The following LMBR1L variants were observed in gnomAD, a reference collection of about 807,000 sequenced individuals.
The protein encoded by LMBR1L is limb development membrane protein 1 like.
LMBR1L carries 47 observed loss-of-function variants against 67.3 expected under a neutral mutation model. The ratio of observed to expected loss-of-function variants is 0.70; its 90% CI spans 0.55 to 0.89. The LOEUF is 0.89. Among genes scored for constraint, LMBR1L ranks in the 40% least tolerant of loss-of-function variants. LMBR1L has a pLI of 0.00. For synonymous variants in LMBR1L, 247 were observed against 250.3 expected (o/e 0.99, Z 0.13); for missense variants, 533 against 599.2 (o/e 0.89, Z 1.15).
At position 49,104,775 on chromosome 12, in the gene LMBR1L, A is replaced by G; in HGVS notation, c.302T>C (p.Ile101Thr). 1 of 1,613,762 alleles carries G rather than the reference A, an allele frequency of 6.2e-7. No homozygotes were observed. The highest frequency in any genetic ancestry group is 8.5e-7 in the Non-Finnish European group (1 of 1,179,870). The change falls in exon 4 of 17, where the codon ATC becomes ACC. Residue 101 changes from isoleucine to threonine, a missense_variant. Ile to Thr is a moderately conservative substitution (Grantham distance 89, BLOSUM62 -1). This residue lies in a region of LMBR1L where 246 missense variants were observed against 249.0 expected (regional missense o/e 0.99). Transcript: ENST00000267102. ...GATGAGGGAGCCGTTGAGCCACTGGATGTAGTAGTTCCGAGGCAGGGAGAG... is the reference window on the plus strand; with the variant it reads ...GATGAGGGAGCCGTTGAGCCACTGGGTGTAGTAGTTCCGAGGCAGGGAGAG... Reference protein sequence around the residue: ...VLLSLPRNYYIQWLNGSLIHG... With the variant: ...VLLSLPRNYYTQWLNGSLIHG...
chr12:49,101,359 C>A (rs1432829833), intron 12 of LMBR1L, 36 bp from the exon 13 acceptor site: 1 of 1,609,258 alleles, frequency 6.2e-7, no homozygotes, highest in Non-Finnish European at 8.5e-7. Context: ...GAGCATTCCC[C>A]ACCATCAGCA....
At position 49,100,425 on chromosome 12, in the gene LMBR1L, G is replaced by A. The variant is rs771892483; in HGVS notation, c.1203C>T (p.Val401=). The part of the protein sequence containing the change: ...QIIGNCVCLL[V]LSSALPVFSR... ...AGAAGACAGGAAGTGCTGAGCTTAG[G>A]ACCAGGAGACAGACACAGTTCCCAA... The change falls in exon 15 of 17, where the codon GTC becomes GTT. Residue 401 remains valine (V), a synonymous_variant. Coordinates refer to ENST00000267102, the MANE Select transcript of LMBR1L (RefSeq NM_018113.4). The A allele has an allele frequency of 6.2e-7, 1 of 1,613,968 alleles. No homozygotes were observed. Among genetic ancestry groups the A allele is most frequent in the South Asian group, 1.1e-5 (1 of 91,068 alleles).
In LMBR1L at chr12:49,110,676, A is replaced by G. The variant is rs1327935072; in HGVS notation, c.-121T>C. 4 of 832,876 alleles carry G rather than the reference A, an allele frequency of 4.8e-6. No individual in the cohort carries two copies. The highest frequency in any genetic ancestry group is 6.0e-6 in the Non-Finnish European group (3 of 497,350). 51.6% of individuals were successfully genotyped at this position (832,876 alleles called of 1,614,324 possible). On this transcript the variant is annotated 5_prime_UTR_variant, in exon 1 of 17. Transcript: ENST00000267102. The stretch of plus-strand genomic sequence containing the variant: ...GGGGCCTTTCCTCGCAGCCTGCGAC[A>G]GAAACTCGGGGCAGTCTGGGGCTCA...
intron 1 of LMBR1L, among the ~76,000 whole-genome samples, chr12:49,108,691 G>A (rs1464838831): frequency 2.6e-5 from 4 of 151,558 alleles, no homozygotes; most frequent in African/African-American, 9.7e-5. Flanking sequence ...CAGAGATAAC[G>A]CCACTGCACT....
intron 14 of LMBR1L, 41 bp downstream of exon 14, chr12:49,100,515 T>C: frequency 6.2e-7 from 1 of 1,608,788 alleles, no homozygotes; most frequent in Non-Finnish European, 8.5e-7. Context: ...CTAGTGCCCA[T>C]CCACACCCCC....
intron 7 of LMBR1L, 24 bp downstream of exon 7, chr12:49,103,067 C>G (rs1429925132): frequency 6.2e-7 from 1 of 1,612,608 alleles, no homozygotes; most frequent in South Asian, 1.1e-5. Flanking sequence ...CCTGCCCATT[C>G]CCTCCCAGAC....
chr12:49,105,940 T>G lies in LMBR1L; in HGVS notation c.175A>C (p.Thr59Pro), dbSNP rs759126959. Residue 59 changes from threonine (T) to proline (P), a missense_variant, in exon 3 of 17, where the codon ACC (threonine) becomes CCC (proline). Thr to Pro is a conservative substitution (Grantham distance 38, BLOSUM62 -1). This residue lies in a region of LMBR1L where 246 missense variants were observed against 249.0 expected (regional missense o/e 0.99). Transcript: ENST00000267102. ...GACACTTACGCAATCTTGTTGACGG[T>G]GGCATCTTCATCATCCACTGTAAGA... ...EFTTVDDEDA[T>P]VNKIALELCT... is the part of the protein sequence containing the mutation. The G allele has an allele frequency of 1.2e-6, 2 of 1,613,110 alleles. No individual in the cohort carries two copies. Among genetic ancestry groups the G allele is most frequent in the East Asian group, 4.5e-5 (2 of 44,766 alleles).
intron 1 of LMBR1L, chr12:49,109,739 T>C (rs1941321283): frequency 2.2e-6 from 1 of 456,322 alleles, no homozygotes; most frequent in South Asian, 1.5e-5. Context: ...CAGAATTGAG[T>C]AGTCCACTTC....
At position 49,106,206 on chromosome 12, in the gene LMBR1L, C is replaced by T. The variant is rs1479518993; in HGVS notation, c.158-249G>A. The T allele has an allele frequency of 7.3e-6, 4 of 548,858 alleles. No homozygotes were observed. In the East Asian group the frequency reaches 1.2e-4, roughly 17 times the overall value. The allele number at this position is 548,858 out of a possible 1,614,324, so 34.0% of individuals were successfully genotyped here. On this transcript the variant is annotated intron_variant, in intron 2 of 16. Transcript: ENST00000267102. ...GACATTCCTATACTTCTTTACTCCT[C>T]CCTAGATCTCTCCCATCACAAGTTC...
chr12:49,103,587 G>A (rs940487365), intron 6 of LMBR1L, 100 bp downstream of exon 6: 2 of 1,429,714 alleles, frequency 1.4e-6, no homozygotes, highest in Non-Finnish European at 1.9e-6. Context: ...AAGGGAGAAG[G>A]TGCCAACATT....
intron 13 of LMBR1L, 169 bp from the exon 14 acceptor site, chr12:49,100,815 C>T (rs1940069718): frequency 1.6e-6 from 1 of 623,862 alleles, no homozygotes; most frequent in Non-Finnish European, 2.8e-6. Context: ...GCAACCTTGA[C>T]CTTCTGGGCT....
intron 1 of LMBR1L, chr12:49,110,283 T>G: frequency 1.7e-6 from 1 of 596,848 alleles, no homozygotes. Flanking sequence ...ACGACGGCCT[T>G]TGTTTATCGC....
chr12:49,099,658 C>T lies in LMBR1L; in HGVS notation c.1240+730G>A, dbSNP rs138394629. ...GTGCAATGGCGTGAGCTCAGCTCAC[C>T]GCAACCTTTGCCTCCCGGGTTCAAG... On this transcript the variant is annotated intron_variant, in intron 15 of 16. Coordinates refer to ENST00000267102, the MANE Select transcript of LMBR1L (RefSeq NM_018113.4). Among the ~76,000 whole-genome samples, 177 of 151,756 alleles carry T rather than the reference C, an allele frequency of 1.2e-3. 1 individual carries two copies. The highest frequency in any genetic ancestry group is 3.7e-3 in the African/African-American group (152 of 41,324).
At chr12:49,109,662 G>C (rs529012625) in intron 1 of LMBR1L, 4 of 456,230 alleles carry the variant, frequency 8.8e-6, no homozygotes, top group Non-Finnish European at 1.8e-5. Context: ...AGAAAGGAGA[G>C]AGGTGAAAAT....
In LMBR1L at chr12:49,102,454, G is replaced by T; in HGVS notation, c.769+14C>A. On this transcript the variant is annotated intron_variant, in intron 9 of 16. Coordinates refer to ENST00000267102, the MANE Select transcript of LMBR1L (RefSeq NM_018113.4). ...CCAAGCCTACCACCCCAGCAGGGAAGAACTGCAACTTACTACAGATCCTGC... is the reference window on the plus strand; with the variant it reads ...CCAAGCCTACCACCCCAGCAGGGAATAACTGCAACTTACTACAGATCCTGC... 1 of 1,614,154 alleles carries T rather than the reference G, an allele frequency of 6.2e-7. No homozygotes were observed. The highest frequency in any genetic ancestry group is 1.1e-5 in the South Asian group (1 of 91,076).
In LMBR1L at chr12:49,102,479, C is replaced by A. The variant is rs200579973; in HGVS notation, c.758G>T (p.Arg253Leu). Reference protein sequence around the residue: ...CSAFEEAALTRRICNPTSCWL... With the variant: ...CSAFEEAALTLRICNPTSCWL... ...GAACTGCAACTTACTACAGATCCTGCGGGTCAGGGCTGCCTCCTCAAAGGC... is the reference window on the plus strand; with the variant it reads ...GAACTGCAACTTACTACAGATCCTGAGGGTCAGGGCTGCCTCCTCAAAGGC... The change falls in exon 9 of 17, where the codon CGC becomes CTC. Residue 253 changes from arginine (R) to leucine (L), a missense_variant. Around this residue, in one of 3 missense-constraint regions of LMBR1L, gnomAD observed 64 missense variants for 109.0 expected, o/e 0.59. Transcript: ENST00000267102. 2.5e-6 allele frequency: 4 copies of A among 1,614,182 alleles called. No individual in the cohort carries two copies. Among genetic ancestry groups the A allele is most frequent in the Non-Finnish European group, 3.4e-6 (4 of 1,180,014 alleles).
At chr12:49,106,028 C>A in intron 2 of LMBR1L, 71 bp from the exon 3 acceptor site, 2 of 1,325,044 alleles carry the variant, frequency 1.5e-6, no homozygotes, top group Non-Finnish European at 2.1e-6. Flanking sequence ...GTTAGTATTA[C>A]AATGTGCTCC....
intron 3 of LMBR1L, 119 bp from the exon 4 acceptor site, chr12:49,105,004 A>G: frequency 8.8e-7 from 1 of 1,137,876 alleles, no homozygotes. Context: ...GCAATCACAG[A>G]GCTAAGGAAG....
Position 49,097,624 on chromosome 12 carries a change from C to A in LMBR1L, c.*48G>T. ...CCTTGGGCTTCCCTCCAGGCCTAGG[C>A]AGCAGATGGCAGTGTCCAGTTTTTT... is the stretch of plus-strand genomic sequence containing the variant. On this transcript the variant is annotated 3_prime_UTR_variant, in exon 17 of 17. Coordinates refer to ENST00000267102, the MANE Select transcript of LMBR1L (RefSeq NM_018113.4). 1.3e-6 allele frequency: 2 copies of A among 1,587,334 alleles called. No homozygotes were observed. The highest frequency in any genetic ancestry group is 1.7e-6 in the Non-Finnish European group (2 of 1,158,116).
Sources: allele counts gnomAD v4.1 joint callset (sites outside exome capture counted in the v4.1 genomes callset), GRCh38; gene constraint gnomAD v4.1.1; regional missense constraint gnomAD v4.1.1; transcripts MANE v1.5; gene names NCBI Gene and HGNC (gene_info 2026-07-23, HGNC 2026-07-21).